The following FTO variants were observed in gnomAD, a reference collection of about 807,000 sequenced individuals.
The protein encoded by FTO is FTO alpha-ketoglutarate dependent dioxygenase, also known as alpha-ketoglutarate-dependent dioxygenase FTO.
FTO carries 47 observed loss-of-function variants against 63.9 expected under a neutral mutation model. That is an observed-to-expected ratio of 0.74 (90% CI 0.58 to 0.94). FTO has a LOEUF of 0.94. Among genes scored for constraint, FTO ranks in the 40% least tolerant of loss-of-function variants. The pLI is 0.00. For missense variants in FTO, 562 were observed against 618.1 expected (o/e 0.91, Z 0.96); for synonymous variants, 207 against 224.4 (o/e 0.92, Z 0.69).
intron 8 of FTO, among the ~76,000 whole-genome samples, chr16:54,007,562 C>T (rs2084239159): frequency 6.6e-6 from 1 of 152,344 alleles, no homozygotes; most frequent in Middle Eastern, 3.4e-3. Context: ...TCATTAGTTA[C>T]TGTTATTAAT....
intron 1 of FTO, among the ~76,000 whole-genome samples, chr16:53,800,819 A>G (rs1284749650): frequency 6.6e-6 from 1 of 151,668 alleles, no homozygotes; most frequent in East Asian, 1.9e-4. Flanking sequence ...TACTGGGTAA[A>G]TTTTTTTCCA....
chr16:53,914,613 A>G (rs946568067), intron 7 of FTO, among the ~76,000 whole-genome samples: 4 of 152,168 alleles, frequency 2.6e-5, no homozygotes, highest in African/African-American at 9.7e-5. Flanking sequence ...TAAACCCCAC[A>G]GCGTAAAATC....
At chr16:53,726,157 G>A (rs1045527031) in intron 1 of FTO, among the ~76,000 whole-genome samples, 2 of 133,872 alleles carry the variant, frequency 1.5e-5, no homozygotes, top group African/African-American at 6.0e-5. Context: ...AATCATTTGT[G>A]GACTACGATT....
chr16:54,001,314 G>T (rs1457660669), intron 8 of FTO, among the ~76,000 whole-genome samples: 1 of 152,218 alleles, frequency 6.6e-6, no homozygotes, highest in Non-Finnish European at 1.5e-5. Context: ...CTGCCTTGGA[G>T]TAGGTGTGAA....
At chr16:54,055,039 T>C (rs1056157882) in intron 8 of FTO, among the ~76,000 whole-genome samples, 2 of 152,108 alleles carry the variant, frequency 1.3e-5, no homozygotes, top group Non-Finnish European at 2.9e-5. Flanking sequence ...AAGGAAGAGA[T>C]GGAGAATGAA....
intron 7 of FTO, among the ~76,000 whole-genome samples, chr16:53,903,866 G>A (rs1384151610): frequency 6.6e-6 from 1 of 151,998 alleles, no homozygotes; most frequent in Non-Finnish European, 1.5e-5. Context: ...ATGGTCAAAT[G>A]CCTTCCATAG....
At chr16:54,016,276 G>C (rs1296704541) in intron 8 of FTO, among the ~76,000 whole-genome samples, 1 of 143,994 alleles carries the variant, frequency 6.9e-6, no homozygotes, top group Non-Finnish European at 1.5e-5. Context: ...GAAAATGAAG[G>C]CTTCTGACTT....
chr16:53,797,438 G>A (rs138744451), intron 1 of FTO, among the ~76,000 whole-genome samples: 9 of 152,240 alleles, frequency 5.9e-5, no homozygotes, highest in African/African-American at 9.6e-5. Context: ...CCTGTCTTCC[G>A]TCACTCAGCA....
At chr16:53,764,279 A>G (rs1053454709) in intron 1 of FTO, 1 of 152,238 alleles carries the variant, frequency 6.6e-6, no homozygotes, top group Non-Finnish European at 1.5e-5. Flanking sequence ...CCATGTGAGA[A>G]GGTGAGAAGT....
Position 53,844,196 on chromosome 16 carries a change from A to G in FTO, c.793A>G (p.Arg265Gly), listed in dbSNP as rs756019558. The change falls in exon 4 of 9, where the codon AGG becomes GGG. Residue 265 changes from arginine to glycine, a missense_variant. Arg to Gly is a moderately radical substitution (Grantham distance 125). Coordinates refer to ENST00000471389, the MANE Select transcript of FTO (RefSeq NM_001080432.3). ...TGAGGATGACTCTCATCTCGAAGGC[A>G]GGGATCCTGATATTTGGCATGTTGG... ...ESEDDSHLEG[R>G]DPDIWHVGFK... 49 of 1,613,582 alleles carry G rather than the reference A, an allele frequency of 3.0e-5. No individual in the cohort carries two copies. Among genetic ancestry groups the G allele is most frequent in the Non-Finnish European group, 3.8e-5 (45 of 1,179,668 alleles).
At chr16:53,832,731 C>T (rs946972568) in intron 3 of FTO, among the ~76,000 whole-genome samples, 1 of 152,038 alleles carries the variant, frequency 6.6e-6, no homozygotes, top group Non-Finnish European at 1.5e-5. Flanking sequence ...TTTTTTATTT[C>T]AATAAAATAT....
intron 8 of FTO, among the ~76,000 whole-genome samples, chr16:53,974,985 A>G (rs1435399334): frequency 6.6e-6 from 1 of 151,576 alleles, no homozygotes; most frequent in Non-Finnish European, 1.5e-5. Flanking sequence ...AGGAATCTCT[A>G]CTCTCCTTGA....
At chr16:54,094,483 G>A (rs185524937) in intron 8 of FTO, among the ~76,000 whole-genome samples, 3 of 152,194 alleles carry the variant, frequency 2.0e-5, no homozygotes, top group African/African-American at 4.8e-5. Context: ...CAGAAGGCCT[G>A]TTCAGTCTTC....
intron 1 of FTO, among the ~76,000 whole-genome samples, chr16:53,706,252 G>T (rs1315286858): frequency 6.6e-6 from 1 of 152,170 alleles, no homozygotes; most frequent in Admixed American, 6.5e-5. Context: ...AATGGCTCAT[G>T]AATTATCTTC....
At chr16:53,755,800 G>C (rs1173645298) in intron 1 of FTO, among the ~76,000 whole-genome samples, 2 of 152,080 alleles carry the variant, frequency 1.3e-5, no homozygotes, top group Non-Finnish European at 2.9e-5. Flanking sequence ...TTGCTTCTTA[G>C]GCCCTTGCTT....
intron 8 of FTO, among the ~76,000 whole-genome samples, chr16:54,107,063 T>C (rs1200554432): frequency 1.4e-5 from 2 of 147,042 alleles, no homozygotes; most frequent in African/African-American, 4.9e-5. Flanking sequence ...ATATATAAAA[T>C]ATTTGTATTT....
chr16:53,801,723 AT>A (rs60351438), intron 1 of FTO, among the ~76,000 whole-genome samples: 512 of 137,522 alleles, frequency 3.7e-3, no homozygotes, highest in Middle Eastern at 7.4e-3. Context: ...TCCGGCAACC[AT>A]TTTTTTTTTT....
chr16:53,971,727 A>T (rs555696700), intron 8 of FTO, among the ~76,000 whole-genome samples: 2 of 152,364 alleles, frequency 1.3e-5, no homozygotes, highest in Admixed American at 1.3e-4. Flanking sequence ...ACTGTGTGTT[A>T]ACTCGGAGTT....
rs111241709 is a variant in FTO, at chr16:53,794,592, T to C, written c.46-15548T>C. On this transcript the variant is annotated intron_variant, in intron 1 of 8. Transcript: ENST00000471389. ...GTCAATCCTATAAAAGGAAACTAAA[T>C]AAAGGCTCCACATGGAGGCTCCAGT... Among the ~76,000 whole-genome samples the C allele has an allele frequency of 6.0e-3, 920 of 152,254 alleles. 6 individuals are homozygous for C. The highest frequency in any genetic ancestry group is 9.8e-3 in the Non-Finnish European group (667 of 68,012).
Sources: allele counts gnomAD v4.1 joint callset (sites outside exome capture counted in the v4.1 genomes callset), GRCh38; gene constraint gnomAD v4.1.1; transcripts MANE v1.5; gene names NCBI Gene and HGNC (gene_info 2026-07-23, HGNC 2026-07-21).